PPP4R1: variants seen among roughly 807,000 people sequenced by gnomAD.
The protein encoded by PPP4R1 is serine/threonine-protein phosphatase 4 regulatory subunit 1.
In PPP4R1, 42 loss-of-function variants were observed where a neutral mutation model predicts 111.2. The observed-to-expected ratio is 0.38, with a 90% CI of 0.29 to 0.49. The LOEUF (loss-of-function observed/expected upper bound fraction) is 0.49, where lower values mean the gene tolerates loss of function less well. Ranked by LOEUF, PPP4R1 falls within the 20% of genes least tolerant of loss-of-function variation. PPP4R1 has a pLI of 0.97. For missense variants in PPP4R1, 1,012 were observed against 1,161.6 expected (o/e 0.87, Z 1.87); for synonymous variants, 409 against 405.5 (o/e 1.01, Z -0.10).
intron 2 of PPP4R1, chr18:9,613,600 G>A (rs531982927): frequency 6.6e-6 from 1 of 151,834 alleles, no homozygotes; most frequent in Admixed American, 6.6e-5. Context: ...AAAGAAATAT[G>A]CTCTCCAAAC....
chr18:9,556,690 G>A (rs952837615), intron 15 of PPP4R1, among the ~76,000 whole-genome samples: 1 of 152,192 alleles, frequency 6.6e-6, no homozygotes, highest in African/African-American at 2.4e-5. Flanking sequence ...AAATTCTCAA[G>A]ACGCCTGAAA....
intron 2 of PPP4R1, chr18:9,599,555 T>G (rs957419433): frequency 6.6e-6 from 1 of 152,186 alleles, no homozygotes; most frequent in East Asian, 1.9e-4. Context: ...GACTGTCAAA[T>G]TGGATTACAA....
chr18:9,578,809 C>T (rs537740085), intron 9 of PPP4R1, among the ~76,000 whole-genome samples: 6 of 152,126 alleles, frequency 3.9e-5, no homozygotes, highest in African/African-American at 7.2e-5. Context: ...CACTTACTTA[C>T]GAAACATTAT....
chr18:9,614,187 C>A lies in PPP4R1; in HGVS notation c.52+39G>T. 1 of 1,331,374 alleles carries A rather than the reference C, an allele frequency of 7.5e-7. No individual in the cohort carries two copies. Among genetic ancestry groups the A allele is most frequent in the Non-Finnish European group, 9.7e-7 (1 of 1,027,882 alleles). 82.5% of individuals were successfully genotyped at this position (1,331,374 alleles called of 1,614,324 possible). A position where few individuals can be genotyped will look rare whatever the true frequency, so the allele number is the denominator to read the frequency against. On this transcript the variant is annotated intron_variant, in intron 2 of 19. Coordinates refer to ENST00000400556, the MANE Select transcript of PPP4R1 (RefSeq NM_001042388.3). This position sits in a 1 kb window ranked among gnomAD's most constrained non-coding sequence, Gnocchi z 4.1. ...GCCGCCCGCCCTCCCCGGCCGCTCCCCGCGGACTGCCAGGCCACCGCGAGG... is the reference window on the plus strand; with the variant it reads ...GCCGCCCGCCCTCCCCGGCCGCTCCACGCGGACTGCCAGGCCACCGCGAGG...
At chr18:9,598,434 A>C (rs991992503) in intron 2 of PPP4R1, among the ~76,000 whole-genome samples, 13 of 152,316 alleles carry the variant, frequency 8.5e-5, no homozygotes, top group African/African-American at 3.1e-4. Flanking sequence ...AGAAAAACTC[A>C]TGTTACATAG....
intron 4 of PPP4R1, among the ~76,000 whole-genome samples, chr18:9,589,566 G>A (rs2067176526): frequency 6.6e-6 from 1 of 152,076 alleles, no homozygotes. Flanking sequence ...GAGGTGGGAA[G>A]ACAAAATCCA....
At chr18:9,564,695 A>T (rs1206405440) in intron 11 of PPP4R1, among the ~76,000 whole-genome samples, 1 of 93,352 alleles carries the variant, frequency 1.1e-5, no homozygotes, top group African/African-American at 3.9e-5. Flanking sequence ...TATAAAGTGC[A>T]TGGTGTGTGT....
intron 11 of PPP4R1, among the ~76,000 whole-genome samples, chr18:9,566,648 GACACACACACACACACACACACACACAC>G (rs56772611): frequency 1.0e-4 from 15 of 144,122 alleles, no homozygotes; most frequent in East Asian, 2.1e-4. Context: ...GAGGCGCTGT[GACACACACACACACACACACACACACAC>G]ACACACACAC....
intron 11 of PPP4R1, among the ~76,000 whole-genome samples, chr18:9,565,637 G>C (rs980418832): frequency 6.6e-6 from 1 of 152,210 alleles, no homozygotes. Context: ...GGTCTGGACA[G>C]AAATCAAACC....
At chr18:9,555,114 G>A (rs2066550442) in intron 15 of PPP4R1, among the ~76,000 whole-genome samples, 1 of 152,032 alleles carries the variant, frequency 6.6e-6, no homozygotes, top group Non-Finnish European at 1.5e-5. Flanking sequence ...ACCAGTGTGG[G>A]CAACATAGTG....
At chr18:9,608,092 C>T (rs1222678388) in intron 2 of PPP4R1, among the ~76,000 whole-genome samples, 1 of 152,048 alleles carries the variant, frequency 6.6e-6, no homozygotes. Context: ...CTGGCAGTTT[C>T]TTAAAAAGTT....
At chr18:9,594,797 T>C (rs1316293766) in intron 3 of PPP4R1, 1 of 431,396 alleles carries the variant, frequency 2.3e-6, no homozygotes, top group Non-Finnish European at 3.8e-6. Context: ...TGGTAATTAA[T>C]GGTAATTTTT....
upstream of PPP4R1, chr18:9,614,674 G>C (rs1184588981): frequency 6.9e-6 from 1 of 144,856 alleles, no homozygotes; most frequent in African/African-American, 2.5e-5. The surrounding 1 kb of genome is among the most constrained non-coding windows in gnomAD (Gnocchi z 4.1). Flanking sequence ...CGGCCGCCCG[G>C]GCCCCCGGCC....
rs2066754555 is a variant in PPP4R1 at position 9,565,751 on chromosome 18, G to GA, written c.1574-2202dup. On this transcript the variant is annotated intron_variant, in intron 11 of 19. Coordinates refer to ENST00000400556, the MANE Select transcript of PPP4R1 (RefSeq NM_001042388.3). ...GGTTAGGAATCTGAGAAGAAAAGCT[G>GA]AAAGCTAGCAGAGGTTGGTTCATGA... 1.3e-5 allele frequency among the ~76,000 whole-genome samples: 2 copies of GA among 152,226 alleles called. 1 individual carries two copies. Among genetic ancestry groups the GA allele is most frequent in the South Asian group, 4.1e-4 (2 of 4,830 alleles).
chr18:9,570,813 C>A, intron 10 of PPP4R1, 130 bp from the exon 11 acceptor site: 1 of 994,112 alleles, frequency 1.0e-6, no homozygotes, highest in Non-Finnish European at 1.4e-6. Context: ...TCTGTACAAA[C>A]TGAGTTTATG....
At chr18:9,552,005 G>A (rs886257080) in intron 16 of PPP4R1, 6 of 152,338 alleles carry the variant, frequency 3.9e-5, no homozygotes, top group Admixed American at 6.6e-5. Context: ...CTCACACCCC[G>A]GCACTATATG....
At chr18:9,575,158 A>G (rs2066917946) in intron 10 of PPP4R1, among the ~76,000 whole-genome samples, 1 of 152,244 alleles carries the variant, frequency 6.6e-6, no homozygotes, top group South Asian at 2.1e-4. Context: ...ATATGTTGCC[A>G]AAAACTTGCT....
At chr18:9,561,892 T>C (rs1373266056) in intron 13 of PPP4R1, 88 bp downstream of exon 13, 3 of 1,071,168 alleles carry the variant, frequency 2.8e-6, no homozygotes, top group East Asian at 2.4e-5. Flanking sequence ...ACACTCATCA[T>C]AAAGAAGGGG....
Position 9,604,737 on chromosome 18 carries a change from C to T in PPP4R1, c.52+9489G>A, listed in dbSNP as rs148052733. ...GTATTTTTCCTTTTTTTCATATTCT[C>T]CTACCTTCCCTTCTCCTCTCCCTCC... On this transcript the variant is annotated intron_variant, in intron 2 of 19. Coordinates refer to ENST00000400556, the MANE Select transcript of PPP4R1 (RefSeq NM_001042388.3). Among the ~76,000 whole-genome samples, 1,396 of 152,166 alleles carry T rather than the reference C, an allele frequency of 9.2e-3. 15 individuals carry two copies. Among genetic ancestry groups the T allele is most frequent in the Middle Eastern group, 0.027 (8 of 294 alleles).
Sources: allele counts gnomAD v4.1 joint callset (sites outside exome capture counted in the v4.1 genomes callset), GRCh38; gene constraint gnomAD v4.1.1; non-coding constraint Gnocchi (gnomAD v3.1); transcripts MANE v1.5; gene names NCBI Gene and HGNC (gene_info 2026-07-23, HGNC 2026-07-21).